FXN: variants seen among roughly 807,000 people sequenced by gnomAD.
FXN encodes the protein frataxin, also known as frataxin, mitochondrial.
A neutral mutation model predicts 22.4 loss-of-function variants in FXN; 14 were observed. That is an observed-to-expected ratio of 0.62 (90% CI 0.41 to 0.98). The LOEUF (loss-of-function observed/expected upper bound fraction) is 0.98. FXN is among the 50% of genes least tolerant of loss of function. FXN has a pLI of 0.00. For synonymous variants in FXN, 120 were observed against 114.1 expected (o/e 1.05, Z -0.33); for missense variants, 267 against 268.4 (o/e 0.99, Z 0.04).
chr9:69,044,411 C>T (rs1230524781), intron 1 of FXN, among the ~76,000 whole-genome samples: 1 of 152,192 alleles, frequency 6.6e-6, no homozygotes, highest in African/African-American at 2.4e-5. Context: ...CCACCCTCCC[C>T]ATCCACTGTC....
chr9:69,037,285 AAG>A (rs1491047379), intron 1 of FXN, among the ~76,000 whole-genome samples: 4 of 3,110 alleles, frequency 1.3e-3, no homozygotes, highest in African/African-American at 2.5e-3. Flanking sequence ...AAAAAAAAAA[AAG>A]AAGAAGAAGA....
intron 1 of FXN, among the ~76,000 whole-genome samples, chr9:69,042,041 C>A (rs1165330369): frequency 6.6e-6 from 1 of 152,086 alleles, no homozygotes; most frequent in East Asian, 1.9e-4. Context: ...AGGAGTGAGA[C>A]CAGCCTGACC....
At chr9:69,067,231 C>T (rs1381144141) in intron 4 of FXN, among the ~76,000 whole-genome samples, 1 of 152,244 alleles carries the variant, frequency 6.6e-6, no homozygotes, top group East Asian at 1.9e-4. Flanking sequence ...TCTCCCCACT[C>T]CCGGCCTGCT....
At chr9:69,071,733 GT>G (rs1175517750) in intron 4 of FXN, among the ~76,000 whole-genome samples, 1 of 152,204 alleles carries the variant, frequency 6.6e-6, no homozygotes, top group Non-Finnish European at 1.5e-5. Flanking sequence ...AAAAATAATA[GT>G]TTAGGTGATT....
chr9:69,036,002 C>CACGCCTGCGCAGGGAG, intron 1 of FXN, 55 bp downstream of exon 1: 1 of 1,281,542 alleles, frequency 7.8e-7, no homozygotes, highest in African/African-American at 1.6e-5. Context: ...CCGCACGCCG[C>CACGCCTGCGCAGGGAG]ACGCCTGCGC....
In FXN at chr9:69,078,064, A is replaced by G; in HGVS notation, c.*5302A>G. 1.0e-6 allele frequency: 1 copy of G among 985,474 alleles called. No homozygotes were observed. The highest frequency in any genetic ancestry group is 1.2e-6 in the Non-Finnish European group (1 of 829,938). The allele number at this position is 985,474 out of a possible 1,614,324, so 61.0% of individuals were successfully genotyped here. On this transcript the variant is annotated 3_prime_UTR_variant, in exon 5 of 5. Transcript: ENST00000484259. Reference sequence around the variant, plus strand: ...TGATGCTAGCTGAGATTTTTCCAAAAGAAAATGGCTTAAATAAAACCCTAA... The same window carrying G: ...TGATGCTAGCTGAGATTTTTCCAAAGGAAAATGGCTTAAATAAAACCCTAA...
chr9:69,058,239 C>T (rs891821892), intron 3 of FXN, among the ~76,000 whole-genome samples: 3 of 152,048 alleles, frequency 2.0e-5, no homozygotes, highest in African/African-American at 7.2e-5. Context: ...CAGGCATCAC[C>T]CCTTACTGGC....
chr9:69,052,299 C>T (rs746683617), intron 2 of FXN, among the ~76,000 whole-genome samples: 19 of 151,706 alleles, frequency 1.3e-4, no homozygotes, highest in Non-Finnish European at 1.5e-4. Context: ...GAACTACAGG[C>T]GTGCACCACA....
intron 1 of FXN, among the ~76,000 whole-genome samples, chr9:69,039,659 C>T (rs1178126363): frequency 3.9e-5 from 6 of 152,116 alleles, no homozygotes. Context: ...CTGGATGTGT[C>T]TTAGTCCATT....
At chr9:69,057,917 CA>C (rs1831989747) in intron 3 of FXN, among the ~76,000 whole-genome samples, 1 of 152,192 alleles carries the variant, frequency 6.6e-6, no homozygotes, top group African/African-American at 2.4e-5. Context: ...TCCTCAACAG[CA>C]GGGACACTGT....
chr9:69,077,618 C>T lies in FXN; in HGVS notation c.*4856C>T. On this transcript the variant is annotated 3_prime_UTR_variant, in exon 5 of 5. Coordinates refer to ENST00000484259, the MANE Select transcript of FXN (RefSeq NM_000144.5). ...TGATCTGTGGGAACATTGTTAACGC[C>T]ACATCTTGACCTCAAATTGTTTAGC... The T allele has an allele frequency of 1.0e-6, 1 of 985,368 alleles. No homozygotes were observed. Among genetic ancestry groups the T allele is most frequent in the Non-Finnish European group, 1.2e-6 (1 of 829,968 alleles). The allele number at this position is 985,368 out of a possible 1,614,324, so 61.0% of individuals were successfully genotyped here.
chr9:69,063,354 A>G (rs1031618522), intron 3 of FXN, among the ~76,000 whole-genome samples: 1 of 152,046 alleles, frequency 6.6e-6, no homozygotes, highest in Non-Finnish European at 1.5e-5. Flanking sequence ...ATTACTGAGT[A>G]CTCTTTACTA....
At position 69,076,213 on chromosome 9, in the gene FXN, T is replaced by A; in HGVS notation, c.*3451T>A. On this transcript the variant is annotated 3_prime_UTR_variant, in exon 5 of 5. Coordinates refer to ENST00000484259, the MANE Select transcript of FXN (RefSeq NM_000144.5). ...TTGTTTGTAGACACTGACAGTGGCC[T>A]CATGTTTTTTTTTTTTTTAATCTAT... 1.1e-6 allele frequency: 1 copy of A among 892,510 alleles called. No individual in the cohort carries two copies. The highest frequency in any genetic ancestry group is 1.3e-6 in the Non-Finnish European group (1 of 788,958). 55.3% of individuals were successfully genotyped at this position (892,510 alleles called of 1,614,324 possible).
chr9:69,077,362 T>G lies in FXN; in HGVS notation c.*4600T>G. 1 of 985,454 alleles carries G rather than the reference T, an allele frequency of 1.0e-6. No individual in the cohort carries two copies. The allele number at this position is 985,454 out of a possible 1,614,324, so 61.0% of individuals were successfully genotyped here. A position where few individuals can be genotyped will look rare whatever the true frequency, so the allele number is the denominator to read the frequency against. ...TACAGAGACAGAATCCAAGCTCATA[T>G]GTTCCATCTTCTCTGGCTGTATAGT... On this transcript the variant is annotated 3_prime_UTR_variant, in exon 5 of 5. Coordinates refer to ENST00000484259, the MANE Select transcript of FXN (RefSeq NM_000144.5).
intron 1 of FXN, among the ~76,000 whole-genome samples, chr9:69,037,170 T>C (rs188407567): frequency 8.0e-5 from 12 of 150,664 alleles, no homozygotes; most frequent in African/African-American, 2.9e-4. Context: ...ATGCCCATAA[T>C]CTCAGCACTT....
chr9:69,064,598 G>A (rs1355262574), intron 3 of FXN, among the ~76,000 whole-genome samples: 1 of 152,040 alleles, frequency 6.6e-6, no homozygotes, highest in Admixed American at 6.6e-5. Context: ...TGATGGTTGA[G>A]GGCAACAAAC....
chr9:69,074,549 G>T lies in FXN; in HGVS notation c.*1787G>T. The T allele has an allele frequency of 1.0e-6, 1 of 983,196 alleles. No individual in the cohort carries two copies. Among genetic ancestry groups the T allele is most frequent in the Non-Finnish European group, 1.2e-6 (1 of 829,076 alleles). 60.9% of individuals were successfully genotyped at this position (983,196 alleles called of 1,614,324 possible). A position where few individuals can be genotyped will look rare whatever the true frequency, so the allele number is the denominator to read the frequency against. On this transcript the variant is annotated 3_prime_UTR_variant, in exon 5 of 5. Coordinates refer to ENST00000484259, the MANE Select transcript of FXN (RefSeq NM_000144.5). ...AAAAAAAAAAGGAGGGTTTATTAAT[G>T]AGAAGTTTGTATTAATATGTAGCAA...
intron 1 of FXN, among the ~76,000 whole-genome samples, chr9:69,041,157 G>A (rs1831651220): frequency 6.6e-6 from 1 of 152,192 alleles, no homozygotes; most frequent in Non-Finnish European, 1.5e-5. Flanking sequence ...CTCCCTGGAG[G>A]AATCTGCCAG....
In FXN at chr9:69,077,105, G is replaced by T; in HGVS notation, c.*4343G>T. On this transcript the variant is annotated 3_prime_UTR_variant, in exon 5 of 5. Transcript: ENST00000484259. ...ATTTTTGTATTTTTAGTAGAGACGG[G>T]GTTTCACCATCATGGCCAGGCTGGT... 1 of 483,162 alleles carries T rather than the reference G, an allele frequency of 2.1e-6. No homozygotes were observed. The highest frequency in any genetic ancestry group is 2.7e-6 in the Non-Finnish European group (1 of 371,182). The allele number at this position is 483,162 out of a possible 1,614,324, so 29.9% of individuals were successfully genotyped here.
Sources: gnomAD v4.1 joint callset for allele counts (sites outside exome capture counted in the v4.1 genomes callset) on GRCh38, gnomAD v4.1.1 for gene constraint, MANE v1.5 for transcripts, NCBI Gene and HGNC (gene_info 2026-07-23, HGNC 2026-07-21) for gene names.